PCDH15: variants seen among roughly 807,000 people sequenced by gnomAD.
PCDH15 encodes the protein protocadherin-15.
In PCDH15, 129 loss-of-function variants were observed where a neutral mutation model predicts 178.5. The ratio of observed to expected loss-of-function variants is 0.72; its 90% CI spans 0.63 to 0.84. The LOEUF (loss-of-function observed/expected upper bound fraction) is 0.84. PCDH15 is among the 40% of genes least tolerant of loss of function. PCDH15 has a pLI of 0.00. For synonymous variants in PCDH15, 800 were observed against 732.0 expected, an observed-to-expected ratio of 1.09 and a Z score of -1.50; for missense variants, 2,230 against 2,099.9, an observed-to-expected ratio of 1.06 and a Z score of -1.21.
intron 1 of PCDH15, among the ~76,000 whole-genome samples, chr10:55,296,169 AC>A (rs1367598174): frequency 1.3e-4 from 20 of 152,200 alleles, no homozygotes; most frequent in African/African-American, 4.8e-4. Context: ...AAGGTGTGCT[AC>A]CCTCCCAACA....
chr10:54,000,714 T>C (rs2092091465), intron 20 of PCDH15, among the ~76,000 whole-genome samples: 1 of 151,718 alleles, frequency 6.6e-6, no homozygotes, highest in Non-Finnish European at 1.5e-5. Context: ...AAAGGGCAAA[T>C]GTAAGTGTTA....
At chr10:54,643,417 A>G (rs990731200) in intron 2 of PCDH15, among the ~76,000 whole-genome samples, 4 of 152,188 alleles carry the variant, frequency 2.6e-5, no homozygotes, top group Non-Finnish European at 4.4e-5. Context: ...GCATATAATG[A>G]AAGTTAATAA....
At chr10:54,395,651 C>T (rs1258048497) in intron 3 of PCDH15, among the ~76,000 whole-genome samples, 1 of 151,320 alleles carries the variant, frequency 6.6e-6, no homozygotes, top group South Asian at 2.1e-4. Flanking sequence ...CACACACAAA[C>T]ATGCACACAC....
chr10:54,901,019 A>C (rs2131825327), intron 2 of PCDH15, among the ~76,000 whole-genome samples: 1 of 152,292 alleles, frequency 6.6e-6, no homozygotes, highest in Admixed American at 6.5e-5. Context: ...TGAATATTAA[A>C]ATAGAACAAA....
intron 21 of PCDH15, among the ~76,000 whole-genome samples, chr10:53,990,688 G>A (rs1255736858): frequency 6.6e-6 from 1 of 151,980 alleles, no homozygotes; most frequent in African/African-American, 2.4e-5. Flanking sequence ...CGCCTCCTCG[G>A]ACTCGGCGTC....
At chr10:53,850,092 A>T (rs573247505) in intron 28 of PCDH15, among the ~76,000 whole-genome samples, 56 of 152,166 alleles carry the variant, frequency 3.7e-4, no homozygotes, top group African/African-American at 1.3e-3. Context: ...CTAAGAATCC[A>T]CGTAAAATAA....
Position 53,888,282 on chromosome 10 carries a change from C to CTATATATATATATATATATA in PCDH15, c.3501+14960_3501+14961insTATATATATATATATATATA, listed in dbSNP as rs201647527. Among the ~76,000 whole-genome samples the CTATATATATATATATATATA allele has an allele frequency of 5.3e-3, 502 of 95,146 alleles. 15 individuals carry two copies. Among genetic ancestry groups the CTATATATATATATATATATA allele is most frequent in the African/African-American group, 0.019 (289 of 15,492 alleles). 62.4% of individuals were successfully genotyped at this position (95,146 alleles called of 152,430 possible). A position where few individuals can be genotyped will look rare whatever the true frequency, so the allele number is the denominator to read the frequency against. On this transcript the variant is annotated intron_variant, in intron 26 of 37. Transcript: ENST00000644397. ...TTGGATACAAATAAACATTCCAACACTATATATACATATATATATATATAT... is the reference window on the plus strand; with the variant it reads ...TTGGATACAAATAAACATTCCAACACTATATATATATATATATATATATATATACATATATATATATATAT...
At chr10:53,984,703 G>T (rs1174527627) in intron 21 of PCDH15, among the ~76,000 whole-genome samples, 1 of 149,270 alleles carries the variant, frequency 6.7e-6, no homozygotes, top group Admixed American at 6.6e-5. Context: ...AGGCATATTT[G>T]TTTATTCATT....
At position 54,374,715 on chromosome 10, in the gene PCDH15, A is replaced by G. The variant is rs185258742; in HGVS notation, c.318+4067T>C. Among the ~76,000 whole-genome samples, 15 of 152,200 alleles carry G rather than the reference A, an allele frequency of 9.9e-5. No homozygotes were observed. The East Asian group carries it at 2.9e-3, about 29-fold the overall frequency. ...CTTTAGTGAACAAAAAAATAAAAAT[A>G]AGACATAAAAATAAATGATGACCAT... On this transcript the variant is annotated intron_variant, in intron 4 of 37. Coordinates refer to ENST00000644397, the MANE Select transcript of PCDH15 (RefSeq NM_001384140.1).
At chr10:54,813,826 A>G (rs1222714696) in intron 3 of PCDH15, among the ~76,000 whole-genome samples, 1 of 152,204 alleles carries the variant, frequency 6.6e-6, no homozygotes, top group African/African-American at 2.4e-5. Flanking sequence ...AAATTTGTTT[A>G]ATGTCCACAG....
At chr10:55,383,600 G>C (rs1411565910) in intron 2 of PCDH15, among the ~76,000 whole-genome samples, 1 of 152,166 alleles carries the variant, frequency 6.6e-6, no homozygotes, top group Non-Finnish European at 1.5e-5. Context: ...TTTGAGAGAA[G>C]TAAATGAGCT....
rs1019653808 is a variant in PCDH15 at position 55,484,264 on chromosome 10, C to A, written c.-156+143361G>T. Among the ~76,000 whole-genome samples the A allele has an allele frequency of 2.0e-5, 3 of 151,488 alleles. No individual in the cohort carries two copies. The Admixed American group carries it at 2.0e-4, about 10-fold the overall frequency. On this transcript the variant is annotated intron_variant, in intron 2 of 5. Coordinates refer to the PCDH15 transcript ENST00000613346. ...GACACAATTTTACCTATGTTGCAAA[C>A]CTGCACTTGTACCCCTGAACTTAAA...
At chr10:54,987,015 C>T (rs1341935336) in intron 2 of PCDH15, among the ~76,000 whole-genome samples, 1 of 152,042 alleles carries the variant, frequency 6.6e-6, no homozygotes, top group Non-Finnish European at 1.5e-5. Context: ...TCCCTGCACT[C>T]GCCCCCCAGC....
At chr10:54,642,163 C>T (rs1028456220) in intron 2 of PCDH15, among the ~76,000 whole-genome samples, 11 of 151,942 alleles carry the variant, frequency 7.2e-5, no homozygotes, top group Admixed American at 2.6e-4. Flanking sequence ...TAAGAGGCCC[C>T]GAGAGCTGTC....
intron 2 of PCDH15, among the ~76,000 whole-genome samples, chr10:54,903,930 T>A (rs1954679765): frequency 6.6e-6 from 1 of 152,044 alleles, no homozygotes; most frequent in African/African-American, 2.4e-5. Flanking sequence ...TAATTGGTAA[T>A]GCTGAGCCAT....
chr10:55,350,654 G>T (rs1265815270), intron 2 of PCDH15, among the ~76,000 whole-genome samples: 1 of 151,976 alleles, frequency 6.6e-6, no homozygotes, highest in Admixed American at 6.6e-5. Flanking sequence ...ACAAGCAGGT[G>T]CTGACTTTTA....
chr10:55,140,265 C>T lies in PCDH15; in HGVS notation c.-80+26311G>A, dbSNP rs189532793. On this transcript the variant is annotated intron_variant, in intron 2 of 5. Transcript: ENST00000458638. ...AGCTAGAATTTTTGGTACTATGTTG[C>T]ATGAAAGTATTAAAAGGAAACATTC... 1.4e-3 allele frequency among the ~76,000 whole-genome samples: 218 copies of T among 151,936 alleles called. 1 individual carries two copies. Among genetic ancestry groups the T allele is most frequent in the Non-Finnish European group, 1.0e-3 (68 of 67,800 alleles).
intron 1 of PCDH15, among the ~76,000 whole-genome samples, chr10:55,268,110 A>G (rs961374440): frequency 1.3e-5 from 2 of 152,180 alleles, no homozygotes; most frequent in African/African-American, 4.8e-5. Flanking sequence ...TAATAAAGTA[A>G]TTACTACTTC....
intron 2 of PCDH15, among the ~76,000 whole-genome samples, chr10:55,042,917 T>C (rs2131979034): frequency 6.6e-6 from 1 of 152,180 alleles, no homozygotes; most frequent in South Asian, 2.1e-4. Flanking sequence ...GTGTGGTTGG[T>C]CTATATGTGT....
Sources: gnomAD v4.1 joint callset for allele counts (sites outside exome capture counted in the v4.1 genomes callset) on GRCh38, gnomAD v4.1.1 for gene constraint, MANE v1.5 for transcripts, NCBI Gene and HGNC (gene_info 2026-07-23, HGNC 2026-07-21) for gene names.